Variants in PPARG observed in about 807,000 individuals in gnomAD.
PPARG encodes the protein peroxisome proliferator activated receptor gamma, also known as peroxisome proliferator-activated receptor gamma.
Under a neutral mutation model 39.2 loss-of-function variants are expected in PPARG, and 17 were observed. The ratio of observed to expected loss-of-function variants is 0.43; its 90% confidence interval spans 0.30 to 0.65. PPARG has a LOEUF of 0.65. PPARG is among the 30% of genes least tolerant of loss of function. The pLI is 0.13. For missense variants in PPARG, 406 were observed against 585.9 expected, an observed-to-expected ratio of 0.69 and a Z score of 3.17; for synonymous variants, 223 against 215.7, an observed-to-expected ratio of 1.03 and a Z score of -0.30.
intron 2 of PPARG, among the ~76,000 whole-genome samples, chr3:12,371,430 T>C (rs1229085676): frequency 1.3e-5 from 2 of 152,228 alleles, no homozygotes; most frequent in African/African-American, 4.8e-5. Flanking sequence ...TTCAAGACTA[T>C]TCCCTACGCC....
intron 7 of PPARG, among the ~76,000 whole-genome samples, chr3:12,431,871 T>G (rs2051673064): frequency 6.6e-6 from 1 of 151,942 alleles, no homozygotes; most frequent in African/African-American, 2.4e-5. Context: ...ACCCAGGAGT[T>G]GGAGGCTGCA....
At chr3:12,291,150 A>T (rs1461871080) in intron 1 of PPARG, among the ~76,000 whole-genome samples, 1 of 152,174 alleles carries the variant, frequency 6.6e-6, no homozygotes, top group Non-Finnish European at 1.5e-5. Context: ...TAATAGAGAA[A>T]ACTTGGTGAA....
chr3:12,370,981 G>A (rs2049191560), intron 2 of PPARG, among the ~76,000 whole-genome samples: 3 of 152,150 alleles, frequency 2.0e-5, no homozygotes, highest in Non-Finnish European at 4.4e-5. Flanking sequence ...GGGCTTTGCT[G>A]GCGGTTCTTC....
intron 1 of PPARG, among the ~76,000 whole-genome samples, chr3:12,290,848 TATTAATA>T (rs1231361477): frequency 2.0e-5 from 3 of 152,168 alleles, no homozygotes; most frequent in African/African-American, 7.2e-5. Context: ...ATAAAATCGT[TATTAATA>T]ACAAGAGGCT....
chr3:12,302,782 T>G (rs2046961724), intron 1 of PPARG, among the ~76,000 whole-genome samples: 1 of 152,016 alleles, frequency 6.6e-6, no homozygotes, highest in South Asian at 2.1e-4. Context: ...AGATTCCATA[T>G]CGTAAGAAGA....
intron 2 of PPARG, among the ~76,000 whole-genome samples, chr3:12,375,177 A>G (rs1300577753): frequency 2.0e-5 from 3 of 151,970 alleles, no homozygotes; most frequent in African/African-American, 7.3e-5. Flanking sequence ...ACTTGAACGC[A>G]GGAGTTTGAG....
At chr3:12,347,297 CA>C (rs1385062648) in intron 2 of PPARG, among the ~76,000 whole-genome samples, 2 of 151,972 alleles carry the variant, frequency 1.3e-5, no homozygotes, top group Non-Finnish European at 2.9e-5. Context: ...CTAGCCTGGG[CA>C]ACATAGCAAG....
intron 6 of PPARG, among the ~76,000 whole-genome samples, chr3:12,414,397 A>G (rs570026428): frequency 6.6e-6 from 1 of 152,306 alleles, no homozygotes; most frequent in South Asian, 2.1e-4. Context: ...CAGGACGATC[A>G]CTTGAGCCCA....
intron 2 of PPARG, among the ~76,000 whole-genome samples, chr3:12,374,771 G>A (rs1242200166): frequency 1.3e-5 from 2 of 151,976 alleles, no homozygotes; most frequent in African/African-American, 4.8e-5. Flanking sequence ...GCTTTGTAGA[G>A]AGGGGACAGG....
rs758581958 is a variant in PPARG, at chr3:12,379,931, A to C, written c.220A>C (p.Ser74Arg). Residue 74 changes from serine to arginine, a missense_variant and splice_region_variant, in exon 3 of 8, where the codon AGT becomes CGT. Around this residue, in one of 2 missense-constraint regions of PPARG, gnomAD observed 131 missense variants for 127.9 expected, o/e 1.02. Transcript: ENST00000651735. ...TGACCTGAAACTTCAAGAGTACCAA[A>C]GTATGATGTTTATTTTCACTTTTCA... ...KYDLKLQEYQ[S>R]AIKVEPASPP... 6.3e-7 allele frequency: 1 copy of C among 1,590,704 alleles called. No individual in the cohort carries two copies. The highest frequency in any genetic ancestry group is 1.1e-5 in the South Asian group (1 of 90,598).
chr3:12,422,744 G>A (rs1335981695), intron 7 of PPARG, among the ~76,000 whole-genome samples: 1 of 151,938 alleles, frequency 6.6e-6, no homozygotes, highest in African/African-American at 2.4e-5. Flanking sequence ...GCCAGGTGTG[G>A]TGGCGCATGC....
intron 7 of PPARG, among the ~76,000 whole-genome samples, chr3:12,418,079 A>G (rs551217467): frequency 8.6e-5 from 13 of 150,902 alleles, no homozygotes; most frequent in African/African-American, 3.2e-4. Flanking sequence ...TGATTCTCCC[A>G]CCTCAGCCTC....
intron 1 of PPARG, among the ~76,000 whole-genome samples, chr3:12,309,652 T>A (rs948301216): frequency 4.7e-4 from 71 of 152,346 alleles, no homozygotes; most frequent in African/African-American, 1.6e-3. Flanking sequence ...AACTAATAGC[T>A]TTTGGAGGAA....
intron 5 of PPARG, among the ~76,000 whole-genome samples, chr3:12,402,871 T>C (rs1044623359): frequency 1.3e-5 from 2 of 152,174 alleles, no homozygotes; most frequent in Non-Finnish European, 2.9e-5. Context: ...GATACCAAAA[T>C]TCCTAAATGT....
intron 4 of PPARG, among the ~76,000 whole-genome samples, chr3:12,384,257 C>T (rs1489157035): frequency 1.3e-5 from 2 of 151,998 alleles, no homozygotes; most frequent in East Asian, 3.9e-4. Context: ...TTTTAATATA[C>T]TCAATGAATA....
intron 2 of PPARG, among the ~76,000 whole-genome samples, chr3:12,331,595 G>A (rs3112395): frequency 0.03 from 4,522 of 152,260 alleles, 103 homozygotes; most frequent in Middle Eastern, 0.061. Flanking sequence ...GAGAGGCAAG[G>A]ATGGCAGACA....
intron 6 of PPARG, among the ~76,000 whole-genome samples, chr3:12,414,392 C>T (rs1487143470): frequency 2.6e-5 from 4 of 151,968 alleles, no homozygotes; most frequent in Non-Finnish European, 4.4e-5. Flanking sequence ...CAAAGCAGGA[C>T]GATCACTTGA....
At chr3:12,328,399 C>T (rs1431846483) in intron 2 of PPARG, 5 of 628,866 alleles carry the variant, frequency 8.0e-6, no homozygotes, top group Middle Eastern at 4.2e-4. Context: ...GGCCTGGCAA[C>T]GTCACATTTT....
chr3:12,371,995 T>C, intron 2 of PPARG: 1 of 716,766 alleles, frequency 1.4e-6, no homozygotes, highest in East Asian at 2.7e-5. Flanking sequence ...GGAACCACAG[T>C]TATGAGTACC....
Sources: allele counts gnomAD v4.1 joint callset (sites outside exome capture counted in the v4.1 genomes callset), GRCh38; gene constraint gnomAD v4.1.1; regional missense constraint gnomAD v4.1.1; transcripts MANE v1.5; gene names NCBI Gene and HGNC (gene_info 2026-07-23, HGNC 2026-07-21).